The following ATG4A variants were observed in gnomAD, a reference collection of about 807,000 sequenced individuals.
ATG4A encodes cysteine protease ATG4A.
ATG4A carries 22 observed loss-of-function variants against 38.4 expected under a neutral mutation model. That is an observed-to-expected ratio of 0.57 (90% CI 0.41 to 0.82). ATG4A has a LOEUF of 0.82. ATG4A is among the 40% of genes least tolerant of loss of function. The pLI, the probability that ATG4A is intolerant of heterozygous loss-of-function variation, is 0.00. For synonymous variants in ATG4A, 86 were observed against 100.7 expected (o/e 0.85, Z 0.88); for missense variants, 220 against 290.0 (o/e 0.76, Z 1.75).
At position 108,150,307 on chromosome X, in the gene ATG4A, C is replaced by T. The variant is rs368120484; in HGVS notation, c.960+10C>T. 9.1e-6 allele frequency: 11 copies of T among 1,209,648 alleles called. No homozygotes were observed. In the South Asian group the frequency reaches 1.2e-4, roughly 14 times the overall value. ...TCCTTCAGTTGCATTGGTGGGTATT[C>T]GTAGGTTGGGTGGGCCAGGAGATAC... On this transcript the variant is annotated intron_variant, in intron 10 of 12. Transcript: ENST00000372232.
At chrX:108,141,011 T>TATATATACACATATATATAC (rs2033245502) in intron 9 of ATG4A, among the ~76,000 whole-genome samples, 1 of 86,041 alleles carries the variant, frequency 1.2e-5, no homozygotes, top group East Asian at 3.3e-4. Context: ...TATATATACG[T>TATATATACACATATATATAC]ATATATACAC....
chrX:108,142,517 C>T (rs2033329923), intron 9 of ATG4A, among the ~76,000 whole-genome samples: 1 of 109,560 alleles, frequency 9.1e-6, no homozygotes, highest in Non-Finnish European at 1.9e-5. Flanking sequence ...CACACACACA[C>T]ACACACATAT....
intron 1 of ATG4A, among the ~76,000 whole-genome samples, chrX:108,092,136 T>C (rs1453702682): frequency 9.1e-6 from 1 of 110,365 alleles, no homozygotes; most frequent in African/African-American, 3.3e-5. Flanking sequence ...CGGTGTGGCA[T>C]CAGGACAGGG....
At chrX:108,089,548 C>T (rs1218848461), upstream of ATG4A, among the ~76,000 whole-genome samples, 1 of 112,237 alleles carries the variant, frequency 8.9e-6, no homozygotes, top group Non-Finnish European at 1.9e-5. Context: ...AAATAATAAG[C>T]TATGGCCGGG....
chrX:108,139,246 C>T (rs1284169667), intron 9 of ATG4A, among the ~76,000 whole-genome samples: 1 of 111,729 alleles, frequency 9.0e-6, no homozygotes, highest in Non-Finnish European at 1.9e-5. Context: ...TGCCAATCCC[C>T]CACTTGCTAG....
In ATG4A at chrX:108,110,267, A is replaced by G. The variant is rs183445496; in HGVS notation, c.11-15810A>G. ...TGCCTGTAGTCCCAGCTACTTGGGA[A>G]GCTGAGGCAAGAGGATCCCTTAAGC... On this transcript the variant is annotated intron_variant, in intron 1 of 12. Transcript: ENST00000372232. Among the ~76,000 whole-genome samples, 634 of 107,686 alleles carry G rather than the reference A, an allele frequency of 5.9e-3. 2 individuals are homozygous for G. The highest frequency in any genetic ancestry group is 9.1e-3 in the Non-Finnish European group (475 of 51,983). The allele number at this position is 107,686 out of a possible 115,157, so 93.5% of individuals were successfully genotyped here. A position where few individuals can be genotyped will look rare whatever the true frequency, so the allele number is the denominator to read the frequency against.
intron 9 of ATG4A, among the ~76,000 whole-genome samples, chrX:108,149,006 G>A (rs1018913000): frequency 6.2e-5 from 7 of 112,786 alleles, no homozygotes; most frequent in Admixed American, 1.9e-4. Flanking sequence ...GAACAGGCCC[G>A]ATGACCCTAG....
At chrX:108,120,053 C>A (rs950595647) in intron 1 of ATG4A, among the ~76,000 whole-genome samples, 1 of 112,079 alleles carries the variant, frequency 8.9e-6, no homozygotes, top group South Asian at 3.7e-4. Flanking sequence ...TAACAACTGA[C>A]CAGCAGGTTG....
chrX:108,092,023 T>TAGGTAGTACTC, intron 1 of ATG4A, 187 bp downstream of exon 1: 1 of 719,049 alleles, frequency 1.4e-6, no homozygotes, highest in Non-Finnish European at 2.0e-6. Flanking sequence ...TGGAGCTGAG[T>TAGGTAGTACTC]ACTACCTACT....
Position 108,131,346 on chromosome X carries a change from C to T in ATG4A, c.280C>T (p.His94Tyr), listed in dbSNP as rs957535925. ...MMLAQALICR[H>Y]LGRDWSWEKQ... ...GCTGGCTCAAGCCCTTATCTGTAGA[C>T]ACTTGGGAAGGGGTGAGTTAAATTT... Residue 94 changes from histidine to tyrosine, a missense_variant, in exon 4 of 13, where the codon CAC (histidine) becomes TAC (tyrosine). By Grantham distance (83) the His-to-Tyr change is moderately conservative (BLOSUM62 2). Around this residue, in one of 3 missense-constraint regions of ATG4A, gnomAD observed 61 missense variants for 83.3 expected, o/e 0.73. Transcript: ENST00000372232. 1 of 1,210,871 alleles carries T rather than the reference C, an allele frequency of 8.3e-7. No homozygotes were observed. Among genetic ancestry groups the T allele is most frequent in the South Asian group, 1.8e-5 (1 of 56,886 alleles).
At chrX:108,138,255 G>A in intron 9 of ATG4A, 64 bp downstream of exon 9, 4 of 1,018,263 alleles carry the variant, frequency 3.9e-6, no homozygotes, top group Non-Finnish European at 4.1e-6. Context: ...GACAAGGTTT[G>A]CATGGGAGAC....
chrX:108,133,991 A>G (rs749887639), intron 4 of ATG4A, 66 bp from the exon 5 acceptor site: 62 of 888,460 alleles, frequency 7.0e-5, no homozygotes, highest in Non-Finnish European at 8.8e-5. Flanking sequence ...TGTAGTTACA[A>G]TAAAAGTGCA....
intron 1 of ATG4A, among the ~76,000 whole-genome samples, chrX:108,094,457 C>T (rs768833421): frequency 9.0e-6 from 1 of 111,114 alleles, no homozygotes; most frequent in South Asian, 3.8e-4. Context: ...GATGCTGTCC[C>T]ATCCAGGATA....
At chrX:108,136,151 T>C (rs1211120677) in intron 6 of ATG4A, among the ~76,000 whole-genome samples, 2 of 110,821 alleles carry the variant, frequency 1.8e-5, no homozygotes, top group African/African-American at 6.6e-5. Flanking sequence ...CAACATATTA[T>C]TATTATTATT....
In ATG4A at chrX:108,134,065, T is replaced by C. The variant is rs1410052269; in HGVS notation, c.301T>C (p.Trp101Arg). The C allele has an allele frequency of 8.3e-7, 1 of 1,198,259 alleles. No homozygotes were observed. Among genetic ancestry groups the C allele is most frequent in the Non-Finnish European group, 1.1e-6 (1 of 891,157 alleles). Residue 101 changes from tryptophan (W) to arginine (R), a missense_variant, in exon 5 of 13, where the codon TGG (tryptophan) becomes CGG (arginine). Physicochemically the swap from Trp to Arg is moderately radical, Grantham distance 101. This residue lies in a region of ATG4A where 61 missense variants were observed against 83.3 expected (regional missense o/e 0.73). Transcript: ENST00000372232. ...ICRHLGRDWS[W>R]EKQKEQPKEY... The stretch of plus-strand genomic sequence containing the variant: ...TTTTTTTTCTTAAAAAGACTGGAGC[T>C]GGGAGAAACAAAAAGAACAACCCAA...
intron 1 of ATG4A, among the ~76,000 whole-genome samples, chrX:108,108,159 CTTTT>C (rs35622417): frequency 3.0e-5 from 2 of 65,763 alleles, no homozygotes; most frequent in Admixed American, 2.1e-4. Context: ...TTTTGAGGCA[CTTTT>C]TTTTTTTTTT....
intron 4 of ATG4A, among the ~76,000 whole-genome samples, chrX:108,132,107 C>G (rs902917475): frequency 9.0e-6 from 1 of 111,559 alleles, no homozygotes; most frequent in African/African-American, 3.3e-5. Context: ...CCATGTTGGC[C>G]AGGCTGATCT....
intron 1 of ATG4A, among the ~76,000 whole-genome samples, chrX:108,093,503 T>G (rs1488720838): frequency 8.9e-6 from 1 of 112,311 alleles, no homozygotes; most frequent in Non-Finnish European, 1.9e-5. Context: ...TTTTGGCTAC[T>G]ATGACTAGTG....
rs1316718644 is a variant in ATG4A, at chrX:108,149,239, G to A, written c.815-913G>A. Reference sequence around the variant, plus strand: ...GCAGCAGGTAGATCTCTCCTTGCTCGCCTGATATAGCTGAGCACACAGAGA... The same window carrying A: ...GCAGCAGGTAGATCTCTCCTTGCTCACCTGATATAGCTGAGCACACAGAGA... On this transcript the variant is annotated intron_variant, in intron 9 of 12. Coordinates refer to ENST00000372232, the MANE Select transcript of ATG4A (RefSeq NM_052936.5). Among the ~76,000 whole-genome samples the A allele has an allele frequency of 6.2e-5, 7 of 112,413 alleles. No individual in the cohort carries two copies. In the Admixed American group the frequency reaches 6.6e-4, roughly 11 times the overall value.
Sources: allele counts gnomAD v4.1 joint callset (sites outside exome capture counted in the v4.1 genomes callset), GRCh38; gene constraint gnomAD v4.1.1; regional missense constraint gnomAD v4.1.1; transcripts MANE v1.5; gene names NCBI Gene and HGNC (gene_info 2026-07-23, HGNC 2026-07-21).